The following ABCB7 variants were observed in gnomAD, a reference collection of about 807,000 sequenced individuals.
ABCB7 encodes ATP binding cassette subfamily B member 7.
ABCB7 carries 7 observed loss-of-function variants against 54.4 expected under a neutral mutation model. The observed-to-expected ratio is 0.13, with a 90% CI of 0.07 to 0.24. ABCB7 has a LOEUF of 0.24. ABCB7 is among the 10% of genes least tolerant of loss of function. The pLI is 1.00. For missense variants in ABCB7, 356 were observed against 570.4 expected (o/e 0.62, Z 3.83); for synonymous variants, 218 against 207.1 (o/e 1.05, Z -0.45).
At chrX:75,139,654 A>C (rs2082040145) in intron 1 of ABCB7, among the ~76,000 whole-genome samples, 1 of 112,381 alleles carries the variant, frequency 8.9e-6, no homozygotes, top group Admixed American at 9.5e-5. Context: ...CAATGAAGGC[A>C]GGTCACATGT....
At chrX:75,130,539 T>C (rs1465112120) in intron 1 of ABCB7, among the ~76,000 whole-genome samples, 1 of 112,451 alleles carries the variant, frequency 8.9e-6, no homozygotes, top group African/African-American at 3.2e-5. Context: ...GAAGGAAATA[T>C]GGACTTGTTT....
At chrX:75,138,223 T>C (rs867344992) in intron 1 of ABCB7, among the ~76,000 whole-genome samples, 1 of 99,408 alleles carries the variant, frequency 1.0e-5, no homozygotes, top group African/African-American at 3.7e-5. Flanking sequence ...GCAACCCTCA[T>C]ACACACACAC....
intron 1 of ABCB7, among the ~76,000 whole-genome samples, chrX:75,126,983 A>G (rs1314801888): frequency 9.0e-6 from 1 of 111,675 alleles, no homozygotes; most frequent in Non-Finnish European, 1.9e-5. Flanking sequence ...CGAGGTACAA[A>G]GAGGAACTGG....
chrX:75,062,106 C>A (rs1239381691), intron 14 of ABCB7, among the ~76,000 whole-genome samples: 1 of 112,455 alleles, frequency 8.9e-6, no homozygotes, highest in African/African-American at 3.2e-5. Context: ...CAAAAGGAGA[C>A]ACATTTGCAA....
At chrX:75,080,876 A>T (rs6647622) in intron 4 of ABCB7, among the ~76,000 whole-genome samples, 12,193 of 110,958 alleles carry the variant, frequency 0.11, 1,686 homozygotes, top group African/African-American at 0.38. Context: ...ATATTCTAAG[A>T]ATAAGGCCTT....
intron 1 of ABCB7, among the ~76,000 whole-genome samples, chrX:75,120,534 G>A (rs1335119122): frequency 1.8e-5 from 2 of 110,637 alleles, no homozygotes; most frequent in Non-Finnish European, 3.8e-5. Context: ...ACTTGAACCT[G>A]GGAGGTGGAG....
chrX:75,133,589 C>G (rs2081989479), intron 1 of ABCB7, among the ~76,000 whole-genome samples: 1 of 111,658 alleles, frequency 9.0e-6, no homozygotes, highest in African/African-American at 3.3e-5. Flanking sequence ...AGAGATGGGG[C>G]AGGTCATCTA....
intron 1 of ABCB7, among the ~76,000 whole-genome samples, chrX:75,117,671 T>C (rs1361132345): frequency 9.0e-6 from 1 of 111,533 alleles, no homozygotes; most frequent in Non-Finnish European, 1.9e-5. Context: ...TTTTTGCTGA[T>C]GGCTATGGAT....
chrX:75,140,605 C>A lies in ABCB7; in HGVS notation c.168+15500G>T, dbSNP rs576774809. On this transcript the variant is annotated intron_variant, in intron 1 of 15. Transcript: ENST00000373394. The stretch of plus-strand genomic sequence containing the variant: ...AACAATTAAATATGATAAAATTAAA[C>A]CTTAAAACAATGAAAAGAAGTGATA... Among the ~76,000 whole-genome samples, 4 of 110,955 alleles carry A rather than the reference C, an allele frequency of 3.6e-5. No homozygotes were observed. In the East Asian group the frequency reaches 8.5e-4, roughly 24 times the overall value.
At chrX:75,066,405 A>G (rs1361852951) in intron 12 of ABCB7, among the ~76,000 whole-genome samples, 1 of 111,914 alleles carries the variant, frequency 8.9e-6, no homozygotes, top group Non-Finnish European at 1.9e-5. Flanking sequence ...TTGTATAAAC[A>G]GAAACTGCTT....
At chrX:75,123,657 A>T (rs949264771) in intron 1 of ABCB7, among the ~76,000 whole-genome samples, 2 of 111,937 alleles carry the variant, frequency 1.8e-5, no homozygotes, top group African/African-American at 6.5e-5. Context: ...AAATCTTTCC[A>T]TTTATTTGTG....
At chrX:75,091,032 T>C in intron 4 of ABCB7, among the ~76,000 whole-genome samples, 1 of 111,425 alleles carries the variant, frequency 9.0e-6, no homozygotes. Context: ...TTTTACTAAC[T>C]ACTTAAAGAA....
intron 1 of ABCB7, among the ~76,000 whole-genome samples, chrX:75,127,430 T>C (rs1244961318): frequency 8.9e-6 from 1 of 111,939 alleles, no homozygotes; most frequent in Non-Finnish European, 1.9e-5. Flanking sequence ...GAACTATTTA[T>C]GACAAACCCA....
rs35020628 is a variant in ABCB7 at position 75,052,466 on chromosome X, CA to C, written c.*903del. 230 of 55,276 alleles carry C rather than the reference CA, an allele frequency of 4.2e-3. 1 individual carries two copies. The highest frequency in any genetic ancestry group is 0.029 in the Middle Eastern group (2 of 70). The allele number at this position is 55,276 out of a possible 1,213,427, so 4.6% of individuals were successfully genotyped here. On this transcript the variant is annotated 3_prime_UTR_variant, in exon 16 of 16. Coordinates refer to ENST00000373394, the MANE Select transcript of ABCB7 (RefSeq NM_001271696.3). ...TGGGAGAAAGAGCGAGACTCCGTCT[CA>C]AAAAAAAAAAAAAAAAAATTCTAAG...
At chrX:75,075,251 G>A in intron 6 of ABCB7, 111 bp downstream of exon 6, 1 of 872,604 alleles carries the variant, frequency 1.1e-6, no homozygotes, top group Non-Finnish European at 1.6e-6. Context: ...TGGCATCATG[G>A]AATTTTGCTT....
intron 12 of ABCB7, 106 bp downstream of exon 12, chrX:75,068,901 A>C: frequency 1.1e-6 from 1 of 939,528 alleles, no homozygotes; most frequent in Non-Finnish European, 1.5e-6. Context: ...TCTAATACTG[A>C]CTACTTCAGT....
intron 3 of ABCB7, among the ~76,000 whole-genome samples, chrX:75,099,844 T>C (rs2081624701): frequency 9.3e-6 from 1 of 107,594 alleles, no homozygotes; most frequent in Non-Finnish European, 1.9e-5. Flanking sequence ...ACTTGATTTC[T>C]GGAAAAGGTA....
intron 1 of ABCB7, among the ~76,000 whole-genome samples, chrX:75,153,321 A>G (rs1423053189): frequency 9.0e-6 from 1 of 110,850 alleles, no homozygotes; most frequent in Non-Finnish European, 1.9e-5. Flanking sequence ...CTATTCTTTT[A>G]GTATATTTTG....
In ABCB7 at chrX:75,073,883, G is replaced by A; in HGVS notation, c.929C>T (p.Ala310Val). Residue 310 changes from alanine to valine, a missense_variant, in exon 7 of 16, where the codon GCA (alanine) becomes GTA (valine). By Grantham distance (64) the Ala-to-Val change is moderately conservative (BLOSUM62 0). Around this residue, in one of 2 missense-constraint regions of ABCB7, gnomAD observed 241 missense variants for 470.9 expected, o/e 0.51. Coordinates refer to ENST00000373394, the MANE Select transcript of ABCB7 (RefSeq NM_001271696.3). Reference protein sequence around the residue: ...TLGTYTAFTVAVTRWRTRFRI... With the variant: ...TLGTYTAFTVVVTRWRTRFRI... ...AATAAATTACCTCCACCGTGTGACTGCAACTGTGAATGCTGTGTATGTACC... is the reference window on the plus strand; with the variant it reads ...AATAAATTACCTCCACCGTGTGACTACAACTGTGAATGCTGTGTATGTACC... 8.3e-7 allele frequency: 1 copy of A among 1,209,778 alleles called. No individual in the cohort carries two copies. The highest frequency in any genetic ancestry group is 1.1e-6 in the Non-Finnish European group (1 of 893,632).
Sources: allele counts gnomAD v4.1 joint callset (sites outside exome capture counted in the v4.1 genomes callset), GRCh38; gene constraint gnomAD v4.1.1; regional missense constraint gnomAD v4.1.1; transcripts MANE v1.5; gene names NCBI Gene and HGNC (gene_info 2026-07-23, HGNC 2026-07-21).